The following ZNF578 variants were observed in gnomAD, a reference collection of about 807,000 sequenced individuals.
ZNF578 encodes the protein zinc finger protein 578, also known as Putative chemokine-related protein B42.
Under a neutral mutation model 8.3 loss-of-function variants are expected in ZNF578, and 8 were observed. The ratio of observed to expected loss-of-function variants is 0.96; its 90% CI spans 0.56 to 1.74. The LOEUF is 1.74. Ranked by LOEUF, ZNF578 falls within the 40% of genes most tolerant of loss-of-function variation. The pLI is 0.00. For missense variants in ZNF578, 726 were observed against 707.5 expected (o/e 1.03, Z -0.30); for synonymous variants, 206 against 232.2 (o/e 0.89, Z 1.03).
At chr19:52,502,637 G>T (rs7254786) in intron 4 of ZNF578, among the ~76,000 whole-genome samples, 29,004 of 152,018 alleles carry the variant, frequency 0.19, 2,989 homozygotes, top group Non-Finnish European at 0.23. Context: ...CTTAGGAGAC[G>T]GAGGCAGGAG....
intron 2 of ZNF578, among the ~76,000 whole-genome samples, chr19:52,462,586 T>C (rs2059262348): frequency 6.6e-6 from 1 of 152,202 alleles, no homozygotes. Flanking sequence ...ACGATGAGGT[T>C]ACTCGAGTTT....
intron 2 of ZNF578, among the ~76,000 whole-genome samples, chr19:52,488,645 G>A (rs979614435): frequency 3.3e-5 from 5 of 151,776 alleles, no homozygotes; most frequent in Admixed American, 6.6e-5. Context: ...TTAGCCAGGC[G>A]TGGTGGCAGA....
At position 52,486,263 on chromosome 19, in the gene ZNF578, C is replaced by T. The variant is rs183934484; in HGVS notation, c.-121-5061C>T. Among the ~76,000 whole-genome samples the T allele has an allele frequency of 3.5e-3, 536 of 152,286 alleles. 7 individuals carry two copies. Among genetic ancestry groups the T allele is most frequent in the African/African-American group, 0.011 (450 of 41,566 alleles). On this transcript the variant is annotated intron_variant, in intron 2 of 5. Coordinates refer to ENST00000421239, the MANE Select transcript of ZNF578 (RefSeq NM_001099694.2). ...TTCACAAGTTTTCCTGCTGACCCTTCCCCACTATTACCCTATTGTTCTGCC... is the reference window on the plus strand; with the variant it reads ...TTCACAAGTTTTCCTGCTGACCCTTTCCCACTATTACCCTATTGTTCTGCC...
intron 2 of ZNF578, among the ~76,000 whole-genome samples, chr19:52,464,253 A>C (rs548987409): frequency 2.0e-5 from 3 of 152,326 alleles, no homozygotes; most frequent in African/African-American, 7.2e-5. Flanking sequence ...AGTCTGAGTC[A>C]ATCCTAATGA....
chr19:52,464,054 G>A (rs1446533823), intron 2 of ZNF578, among the ~76,000 whole-genome samples: 2 of 152,074 alleles, frequency 1.3e-5, no homozygotes, highest in Admixed American at 1.3e-4. Flanking sequence ...ATTTTATTGG[G>A]CTCAGTGCCA....
Position 52,512,861 on chromosome 19 carries a change from C to T in ZNF578, c.*707C>T, listed in dbSNP as rs750509765. On this transcript the variant is annotated 3_prime_UTR_variant, in exon 6 of 6. Coordinates refer to ENST00000421239, the MANE Select transcript of ZNF578 (RefSeq NM_001099694.2). ...TGTTGACTTAACATTGAGTTCAAGCCTTAATTGACATGCAGGTGTTTATGA... is the reference window on the plus strand; with the variant it reads ...TGTTGACTTAACATTGAGTTCAAGCTTTAATTGACATGCAGGTGTTTATGA... Among the ~76,000 whole-genome samples the T allele has an allele frequency of 2.0e-4, 30 of 152,098 alleles. No individual in the cohort carries two copies. The highest frequency in any genetic ancestry group is 4.0e-4 in the Non-Finnish European group (27 of 68,026).
intron 3 of ZNF578, among the ~76,000 whole-genome samples, chr19:52,499,963 G>A (rs1383020864): frequency 3.9e-5 from 6 of 152,018 alleles, no homozygotes; most frequent in East Asian, 1.9e-4. Context: ...CCAGCCCCAC[G>A]GGCCGCTTTC....
intron 5 of ZNF578, among the ~76,000 whole-genome samples, chr19:52,508,794 T>C: frequency 8.1e-6 from 1 of 123,236 alleles, no homozygotes; most frequent in Non-Finnish European, 1.7e-5. Context: ...GAACTCTGTC[T>C]CAAAAAAAAA....
At chr19:52,488,940 C>CA (rs1317782206) in intron 2 of ZNF578, among the ~76,000 whole-genome samples, 1 of 151,952 alleles carries the variant, frequency 6.6e-6, no homozygotes, top group Non-Finnish European at 1.5e-5. Flanking sequence ...ACCAAAAATA[C>CA]AAAAATTAGC....
chr19:52,486,339 AACTCAGAG>A (rs1461083600), intron 2 of ZNF578, among the ~76,000 whole-genome samples: 1 of 152,120 alleles, frequency 6.6e-6, no homozygotes, highest in Non-Finnish European at 1.5e-5. Context: ...ATACTGAGGG[AACTCAGAG>A]ACCAGTGCCG....
chr19:52,466,589 C>T (rs1412229966), intron 2 of ZNF578, among the ~76,000 whole-genome samples: 2 of 152,080 alleles, frequency 1.3e-5, no homozygotes, highest in Non-Finnish European at 2.9e-5. Context: ...ACAGTTGATA[C>T]ATTTCATTGT....
intron 3 of ZNF578, among the ~76,000 whole-genome samples, chr19:52,500,900 A>T (rs7246279): frequency 3.1e-5 from 4 of 127,914 alleles, no homozygotes; most frequent in South Asian, 2.5e-4. Context: ...TTTTTTTGAG[A>T]TAGAGTCTTG....
At chr19:52,455,351 T>C (rs1269412887) in intron 1 of ZNF578, 1 of 152,138 alleles carries the variant, frequency 6.6e-6, no homozygotes, top group East Asian at 1.9e-4. Flanking sequence ...AGGCATGTGC[T>C]ACCACACCCA....
Position 52,512,346 on chromosome 19 carries a change from A to C in ZNF578, c.*192A>C. ...TTCATGGTGTAGGGAAACTTGACTA[A>C]TGTAATGATTGTCACAAAGTCTTCA... On this transcript the variant is annotated 3_prime_UTR_variant, in exon 6 of 6. Transcript: ENST00000421239. The C allele has an allele frequency of 6.6e-7, 1 of 1,523,002 alleles. No individual in the cohort carries two copies. The highest frequency in any genetic ancestry group is 9.1e-7 in the Non-Finnish European group (1 of 1,098,146). 94.3% of individuals were successfully genotyped at this position (1,523,002 alleles called of 1,614,324 possible).
Position 52,513,596 on chromosome 19 carries a change from G to C in ZNF578, c.*1442G>C, listed in dbSNP as rs1418744734. 6.6e-6 allele frequency among the ~76,000 whole-genome samples: 1 copy of C among 151,814 alleles called. No individual in the cohort carries two copies. Among genetic ancestry groups the C allele is most frequent in the Non-Finnish European group, 1.5e-5 (1 of 67,976 alleles). On this transcript the variant is annotated 3_prime_UTR_variant, in exon 6 of 6. Transcript: ENST00000421239. Reference sequence around the variant, plus strand: ...ATACAAAAACTTAGCCGGGCATGGTGGTGGGCACCTGTAGTCTCAGCTACT... The same window carrying C: ...ATACAAAAACTTAGCCGGGCATGGTCGTGGGCACCTGTAGTCTCAGCTACT...
Position 52,511,120 on chromosome 19 carries a change from A to C in ZNF578, c.739A>C (p.Arg247=). Reference sequence around the variant, plus strand: ...AGCCTTTAATTGTAGCTCATTTGTAAGGAAACATCAGATAATCCATTTAGG... The same window carrying C: ...AGCCTTTAATTGTAGCTCATTTGTACGGAAACATCAGATAATCCATTTAGG... ...GEAFNCSSFV[R]KHQIIHLGEK... is the part of the protein sequence containing the mutation. The change falls in exon 6 of 6, where the codon AGG becomes CGG. Residue 247 remains arginine (R), a synonymous_variant. Transcript: ENST00000421239. 1 of 1,614,146 alleles carries C rather than the reference A, an allele frequency of 6.2e-7. No homozygotes were observed. The highest frequency in any genetic ancestry group is 8.5e-7 in the Non-Finnish European group (1 of 1,179,952).
At chr19:52,492,082 C>T (rs566695453) in intron 3 of ZNF578, among the ~76,000 whole-genome samples, 74 of 139,654 alleles carry the variant, frequency 5.3e-4, no homozygotes, top group Middle Eastern at 3.9e-3. Flanking sequence ...GGCGTGAACC[C>T]GGAAGTTGGA....
intron 2 of ZNF578, chr19:52,474,023 A>T: frequency 2.4e-6 from 1 of 420,342 alleles, no homozygotes; most frequent in African/African-American, 2.0e-5. Context: ...ATGTCGTGCA[A>T]GGTGTGCAAT....
chr19:52,469,293 T>G (rs1163271435), intron 2 of ZNF578, among the ~76,000 whole-genome samples: 1 of 151,588 alleles, frequency 6.6e-6, no homozygotes, highest in African/African-American at 2.4e-5. Flanking sequence ...CCCAGGCAGC[T>G]GGGACTACAG....
Sources: gnomAD v4.1 joint callset for allele counts (sites outside exome capture counted in the v4.1 genomes callset) on GRCh38, gnomAD v4.1.1 for gene constraint, MANE v1.5 for transcripts, NCBI Gene and HGNC (gene_info 2026-07-23, HGNC 2026-07-21) for gene names.